MROH2B: variants seen among roughly 807,000 people sequenced by gnomAD.
The protein encoded by MROH2B is maestro heat-like repeat-containing protein family member 2B.
A neutral mutation model predicts 208.6 loss-of-function variants in MROH2B; 177 were observed. The ratio of observed to expected loss-of-function variants is 0.85; its 90% CI spans 0.75 to 0.96. The LOEUF is 0.96. MROH2B is among the 40% of genes least tolerant of loss of function. MROH2B has a pLI of 0.00. For synonymous variants in MROH2B, 728 were observed against 659.0 expected (o/e 1.10, Z -1.60); for missense variants, 2,002 against 1,878.7 (o/e 1.07, Z -1.21).
intron 41 of MROH2B, 95 bp from the exon 42 acceptor site, chr5:40,998,253 G>T: frequency 1.1e-6 from 1 of 923,138 alleles, no homozygotes; most frequent in Non-Finnish European, 1.7e-6. Context: ...TAGCACTGAG[G>T]GTCAGACCCA....
intron 34 of MROH2B, 71 bp from the exon 35 acceptor site, chr5:41,005,716 T>G: frequency 8.0e-7 from 1 of 1,257,756 alleles, no homozygotes; most frequent in Non-Finnish European, 1.1e-6. Context: ...TGTTTGTTCA[T>G]CAGGCAAGTA....
At chr5:41,005,374 T>G in intron 35 of MROH2B, 157 bp downstream of exon 35, 1 of 586,836 alleles carries the variant, frequency 1.7e-6, no homozygotes, top group Non-Finnish European at 3.0e-6. Flanking sequence ...CCTGCTTAGG[T>G]ACCATATATC....
intron 13 of MROH2B, among the ~76,000 whole-genome samples, 172 bp downstream of exon 13, chr5:41,050,804 TG>T (rs1267353315): frequency 1.3e-5 from 2 of 152,220 alleles, no homozygotes; most frequent in Non-Finnish European, 2.9e-5. Context: ...ATTCAACATC[TG>T]TTTTTGAGGA....
chr5:40,998,749 G>A (rs2329435), intron 40 of MROH2B, 72 bp from the exon 41 acceptor site: 668,934 of 1,307,172 alleles, frequency 0.51, 170,917 homozygotes, highest in South Asian at 0.62. Context: ...TAGCAGGTTA[G>A]ACTCTGCACC....
chr5:41,065,534 C>A (rs1743776594), intron 3 of MROH2B, 44 bp from the exon 4 acceptor site: 5 of 1,537,500 alleles, frequency 3.3e-6, no homozygotes, highest in African/African-American at 1.4e-5. Context: ...AGAAAAGGGG[C>A]AGAGTGAGTC....
At chr5:41,011,784 C>A (rs1008105121) in intron 30 of MROH2B, among the ~76,000 whole-genome samples, 1 of 151,960 alleles carries the variant, frequency 6.6e-6, no homozygotes, top group Admixed American at 6.6e-5. Context: ...TCTCCTGCCT[C>A]AGCCTCCCAA....
chr5:41,042,142 G>A lies in MROH2B; in HGVS notation c.1903C>T (p.Gln635Ter), dbSNP rs1271407956. The A allele has an allele frequency of 5.0e-6, 8 of 1,597,696 alleles. No homozygotes were observed. Among genetic ancestry groups the A allele is most frequent in the Non-Finnish European group, 6.0e-6 (7 of 1,171,398 alleles). The change falls in exon 19 of 42, where the codon CAG (glutamine) becomes TAG (stop). Residue 635 changes from glutamine to a stop codon, truncating the protein, a stop_gained. Coordinates refer to ENST00000399564, the MANE Select transcript of MROH2B (RefSeq NM_173489.5). LOFTEE classifies it high-confidence loss of function. ...CCQDSDFVNS[Q>*]IKEFLTAPNQ... is the part of the protein sequence containing the mutation. ...GGAGCAGTCAGAAACTCCTTAATCT[G>A]TGAGTTTACAAAGTCTGAATCTTGG...
At chr5:41,011,672 CT>C (rs70988828) in intron 30 of MROH2B, among the ~76,000 whole-genome samples, 49,934 of 144,882 alleles carry the variant, frequency 0.34, 8,260 homozygotes, top group South Asian at 0.42. Flanking sequence ...TTTCCTTTTT[CT>C]TTTTTTTTTT....
At chr5:41,000,967 C>T in intron 37 of MROH2B, 134 bp from the exon 38 acceptor site, 1 of 981,272 alleles carries the variant, frequency 1.0e-6, no homozygotes, top group Non-Finnish European at 1.5e-6. Flanking sequence ...CCATCATAGT[C>T]ACGGCCTCTA....
Position 41,004,472 on chromosome 5 carries a change from T to C in MROH2B, c.4068A>G (p.Leu1356=). 6.2e-7 allele frequency: 1 copy of C among 1,614,004 alleles called. No individual in the cohort carries two copies. The change falls in exon 37 of 42, where the codon CTA becomes CTG. Residue 1356 remains leucine, a synonymous_variant. Coordinates refer to ENST00000399564, the MANE Select transcript of MROH2B (RefSeq NM_173489.5). ...TTTCACAGACGACTTCAGTGCGAGCTAGGTGATACAGGCCTCTGATGATAG... is the reference window on the plus strand; with the variant it reads ...TTTCACAGACGACTTCAGTGCGAGCCAGGTGATACAGGCCTCTGATGATAG... ...LESIIRGLYH[L]ARTEVVCESL...
rs760275643 is a variant in MROH2B at position 41,065,451 on chromosome 5, C to G, written c.241G>C (p.Val81Leu). Residue 81 changes from valine to leucine, a missense_variant, in exon 4 of 42, where the codon GTG becomes CTG. Physicochemically the swap from Val to Leu is conservative, Grantham distance 32 (BLOSUM62 1). Coordinates refer to ENST00000399564, the MANE Select transcript of MROH2B (RefSeq NM_173489.5). ...TTGAAATCATGTGCAGCAAGAGACACCAAAACCTCACCAGCTAGCATTCTG... is the reference window on the plus strand; with the variant it reads ...TTGAAATCATGTGCAGCAAGAGACAGCAAAACCTCACCAGCTAGCATTCTG... ...EIRMLAGEVLVSLAAHDFNSV... is the reference protein window; with the variant it reads ...EIRMLAGEVLLSLAAHDFNSV... The G allele has an allele frequency of 1.2e-6, 2 of 1,613,298 alleles. No individual in the cohort carries two copies. Among genetic ancestry groups the G allele is most frequent in the Non-Finnish European group, 1.7e-6 (2 of 1,179,630 alleles).
At chr5:41,054,248 G>C (rs1361332189) in intron 11 of MROH2B, among the ~76,000 whole-genome samples, 1 of 152,162 alleles carries the variant, frequency 6.6e-6, no homozygotes, top group Non-Finnish European at 1.5e-5. Context: ...CCAAAGTGTA[G>C]GGACTACAGG....
At chr5:41,048,262 C>T (rs547207107) in intron 16 of MROH2B, 62 bp downstream of exon 16, 191 of 1,510,968 alleles carry the variant, frequency 1.3e-4, no homozygotes, top group Admixed American at 5.2e-4. Flanking sequence ...CACAGAGAAA[C>T]GGTGCATTAT....
intron 37 of MROH2B, 96 bp from the exon 38 acceptor site, chr5:41,000,929 A>G (rs1741379219): frequency 2.2e-6 from 3 of 1,361,894 alleles, no homozygotes; most frequent in African/African-American, 1.5e-5. Flanking sequence ...CCGCTTCAGC[A>G]AAAGAAGGCT....
chr5:41,012,514 A>C (rs6876880), intron 30 of MROH2B, 69 bp downstream of exon 30: 701,391 of 1,511,282 alleles, frequency 0.46, 164,579 homozygotes, highest in African/African-American at 0.52. Context: ...CAAACAGAGA[A>C]AGTGGCTGAC....
intron 40 of MROH2B, among the ~76,000 whole-genome samples, chr5:40,999,178 C>T (rs184483825): frequency 2.0e-5 from 3 of 152,292 alleles, no homozygotes; most frequent in Admixed American, 6.5e-5. Flanking sequence ...TTATTTTATA[C>T]ATCAGACAGA....
intron 21 of MROH2B, 153 bp from the exon 22 acceptor site, chr5:41,034,017 C>A (rs1158104823): frequency 2.0e-6 from 2 of 982,562 alleles, no homozygotes; most frequent in African/African-American, 3.5e-5. Context: ...GGGAGGGGGG[C>A]AATTCACTTC....
intron 24 of MROH2B, among the ~76,000 whole-genome samples, chr5:41,030,456 C>T (rs779288433): frequency 1.3e-5 from 2 of 151,864 alleles, no homozygotes; most frequent in Non-Finnish European, 1.5e-5. Context: ...CAAAGCACTG[C>T]TAAAAGAAAT....
In MROH2B at chr5:41,041,176, A is replaced by G. The variant is rs1024392250; in HGVS notation, c.1953+916T>C. 2.0e-5 allele frequency among the ~76,000 whole-genome samples: 3 copies of G among 152,234 alleles called. No homozygotes were observed. In the East Asian group the frequency reaches 5.8e-4, roughly 29 times the overall value. ...ATAAAAGCAGTTTCAAAAGTTCAGTAAAGTCTAGTGGTTTCTGGCCATTTA... is the reference window on the plus strand; with the variant it reads ...ATAAAAGCAGTTTCAAAAGTTCAGTGAAGTCTAGTGGTTTCTGGCCATTTA... On this transcript the variant is annotated intron_variant, in intron 19 of 41. Transcript: ENST00000399564.
Sources: gnomAD v4.1 joint callset for allele counts (sites outside exome capture counted in the v4.1 genomes callset) on GRCh38, gnomAD v4.1.1 for gene constraint, MANE v1.5 for transcripts, NCBI Gene and HGNC (gene_info 2026-07-23, HGNC 2026-07-21) for gene names.